Variants in CD96 observed in about 807,000 individuals in gnomAD.
CD96 encodes CD96 molecule.
In CD96, 70 loss-of-function variants were observed where a neutral mutation model predicts 71.3. The ratio of observed to expected loss-of-function variants is 0.98; its 90% CI spans 0.81 to 1.20. The LOEUF (loss-of-function observed/expected upper bound fraction) is 1.20, where lower values mean the gene tolerates loss of function less well. Among genes scored for constraint, CD96 ranks in the 50% most tolerant of loss-of-function variants. The pLI, the probability that CD96 is intolerant of heterozygous loss-of-function variation, is 0.00. For missense variants in CD96, 742 were observed against 677.5 expected (o/e 1.10, Z -1.06); for synonymous variants, 248 against 233.0 (o/e 1.06, Z -0.59).
At chr3:111,640,658 A>C (rs768672176) in intron 12 of CD96, among the ~76,000 whole-genome samples, 12 of 152,236 alleles carry the variant, frequency 7.9e-5, no homozygotes, top group Non-Finnish European at 7.3e-5. Context: ...ATTCATTGCA[A>C]AAAGATCTTT....
chr3:111,564,280 T>C (rs1314312115), intron 2 of CD96, among the ~76,000 whole-genome samples: 2 of 151,954 alleles, frequency 1.3e-5, no homozygotes, highest in Non-Finnish European at 2.9e-5. Context: ...TATATTTTTA[T>C]CTTCTTTGCA....
intron 2 of CD96, among the ~76,000 whole-genome samples, chr3:111,556,355 TC>T (rs1333440342): frequency 1.2e-5 from 1 of 84,824 alleles, no homozygotes; most frequent in Admixed American, 1.6e-4. Flanking sequence ...CCCTCCCCCC[TC>T]CCCCCACCCC....
At chr3:111,642,115 A>C (rs997283671) in intron 12 of CD96, among the ~76,000 whole-genome samples, 1 of 152,226 alleles carries the variant, frequency 6.6e-6, no homozygotes, top group Non-Finnish European at 1.5e-5. Flanking sequence ...AACTGAACCG[A>C]AATCCATCAG....
In CD96 at chr3:111,631,993, A is replaced by T. The variant is rs191406918; in HGVS notation, c.1322-5203A>T. 2.6e-5 allele frequency among the ~76,000 whole-genome samples: 4 copies of T among 152,186 alleles called. No homozygotes were observed. The East Asian group carries it at 7.7e-4, about 29-fold the overall frequency. On this transcript the variant is annotated intron_variant, in intron 10 of 13. Coordinates refer to ENST00000352690, the MANE Select transcript of CD96 (RefSeq NM_005816.5). Reference sequence around the variant, plus strand: ...AAAATCAGTTCAAGATGGATTAAAGACTTAAACCCAAAACTATAAAAACCC... The same window carrying T: ...AAAATCAGTTCAAGATGGATTAAAGTCTTAAACCCAAAACTATAAAAACCC...
chr3:111,556,301 CCACT>C (rs1935033426), intron 2 of CD96, among the ~76,000 whole-genome samples: 1 of 146,542 alleles, frequency 6.8e-6, no homozygotes, highest in African/African-American at 2.5e-5. Flanking sequence ...TGCGCCGCAC[CCACT>C]AACTCGTCAT....
chr3:111,607,777 A>C (rs1387360049), intron 8 of CD96, among the ~76,000 whole-genome samples: 1 of 152,090 alleles, frequency 6.6e-6, no homozygotes, highest in Non-Finnish European at 1.5e-5. Context: ...CACCCATCAA[A>C]AGTTTCATAT....
intron 8 of CD96, among the ~76,000 whole-genome samples, chr3:111,621,284 C>A (rs1938508167): frequency 6.6e-6 from 1 of 152,152 alleles, no homozygotes. Context: ...CTGTTAAGAA[C>A]AATTCCTTTG....
In CD96 at chr3:111,631,333, G is replaced by A. The variant is rs115690687; in HGVS notation, c.1322-5863G>A. 7.5e-3 allele frequency among the ~76,000 whole-genome samples: 1,149 copies of A among 152,212 alleles called. 17 individuals carry two copies. The highest frequency in any genetic ancestry group is 0.026 in the African/African-American group (1,090 of 41,536). ...CAAAATGAATGTGCAAAAATTGCTA[G>A]CAATCCTATACACCAACAACAGGCA... On this transcript the variant is annotated intron_variant, in intron 10 of 13. Transcript: ENST00000352690.
intron 4 of CD96, among the ~76,000 whole-genome samples, chr3:111,580,206 T>G (rs1936402515): frequency 6.6e-6 from 1 of 152,034 alleles, no homozygotes; most frequent in Non-Finnish European, 1.5e-5. Context: ...CTCTCAGGAG[T>G]GTGGAGCTGA....
At position 111,596,140 on chromosome 3, in the gene CD96, C is replaced by T. The variant is rs187741984; in HGVS notation, c.808-1980C>T. Among the ~76,000 whole-genome samples, 158 of 148,530 alleles carry T rather than the reference C, an allele frequency of 1.1e-3. 1 individual carries two copies. Among genetic ancestry groups the T allele is most frequent in the South Asian group, 4.5e-3 (21 of 4,620 alleles). Reference sequence around the variant, plus strand: ...TCATGCCACTGCACTCCAGCCTGGGCGACAGAGGGAGACTCTGTCTCAAAA... The same window carrying T: ...TCATGCCACTGCACTCCAGCCTGGGTGACAGAGGGAGACTCTGTCTCAAAA... On this transcript the variant is annotated intron_variant, in intron 5 of 13. Transcript: ENST00000352690.
chr3:111,572,795 C>T (rs1273626766), intron 3 of CD96, among the ~76,000 whole-genome samples: 4 of 152,152 alleles, frequency 2.6e-5, no homozygotes, highest in Non-Finnish European at 5.9e-5. Flanking sequence ...AATTATGACC[C>T]TCATAGGAAA....
intron 8 of CD96, among the ~76,000 whole-genome samples, chr3:111,622,725 A>G (rs2107708901): frequency 6.6e-6 from 1 of 152,378 alleles, no homozygotes; most frequent in Non-Finnish European, 1.5e-5. Context: ...ACAATTATAC[A>G]GCATTCTTTT....
At chr3:111,644,090 AT>A (rs1939717794) in intron 12 of CD96, among the ~76,000 whole-genome samples, 1 of 152,196 alleles carries the variant, frequency 6.6e-6, no homozygotes, top group South Asian at 2.1e-4. Context: ...CAACTATACT[AT>A]AAAGCCATAG....
At chr3:111,613,615 C>T (rs1407630626) in intron 8 of CD96, among the ~76,000 whole-genome samples, 2 of 152,164 alleles carry the variant, frequency 1.3e-5, no homozygotes, top group African/African-American at 4.8e-5. Flanking sequence ...CAGTTAATGT[C>T]ACTACTGTGT....
At chr3:111,648,685 T>C (rs1327382208) in intron 13 of CD96, among the ~76,000 whole-genome samples, 1 of 152,194 alleles carries the variant, frequency 6.6e-6, no homozygotes, top group Non-Finnish European at 1.5e-5. Context: ...ATTTTTTAAA[T>C]TGTTCTGTAT....
At chr3:111,624,213 G>A (rs373541767) in intron 9 of CD96, 120 bp from the exon 10 acceptor site, 7 of 754,176 alleles carry the variant, frequency 9.3e-6, no homozygotes, top group East Asian at 7.8e-5. Flanking sequence ...GCATAGGGAA[G>A]CACATTTTCA....
At position 111,545,090 on chromosome 3, in the gene CD96, A is replaced by G. The variant is rs770270897; in HGVS notation, c.106A>G (p.Thr36Ala). The G allele has an allele frequency of 1.9e-6, 3 of 1,614,182 alleles. No individual in the cohort carries two copies. In the Admixed American group the frequency reaches 5.0e-5, roughly 27 times the overall value. ...CAACACAGAAGAAAATGTTTATGCTACACTTGGCTCTGATGTCAACCTGAC... is the reference window on the plus strand; with the variant it reads ...CAACACAGAAGAAAATGTTTATGCTGCACTTGGCTCTGATGTCAACCTGAC... Reference protein sequence around the residue: ...TVNTEENVYATLGSDVNLTCQ... With the variant: ...TVNTEENVYAALGSDVNLTCQ... The change falls in exon 2 of 14, where the codon ACA (threonine) becomes GCA (alanine). Residue 36 changes from threonine to alanine, a missense_variant. Thr to Ala is a moderately conservative substitution (Grantham distance 58). Coordinates refer to ENST00000352690, the MANE Select transcript of CD96 (RefSeq NM_005816.5).
At chr3:111,660,111 G>A (rs1425258151) in intron 14 of CD96, among the ~76,000 whole-genome samples, 2 of 152,202 alleles carry the variant, frequency 1.3e-5, no homozygotes, top group African/African-American at 4.8e-5. Flanking sequence ...GCATGACTCT[G>A]TATAGAAAAT....
intron 14 of CD96, among the ~76,000 whole-genome samples, chr3:111,664,062 C>T (rs1424976310): frequency 6.6e-6 from 1 of 152,138 alleles, no homozygotes; most frequent in Non-Finnish European, 1.5e-5. Flanking sequence ...TTATACACTT[C>T]TGGTGGGAAT....
Sources: gnomAD v4.1 joint callset for allele counts (sites outside exome capture counted in the v4.1 genomes callset) on GRCh38, gnomAD v4.1.1 for gene constraint, MANE v1.5 for transcripts, NCBI Gene and HGNC (gene_info 2026-07-23, HGNC 2026-07-21) for gene names.